Variants in CENPM observed in about 807,000 individuals in gnomAD.
CENPM encodes centromere protein M.
In CENPM, 14 loss-of-function variants were observed where a neutral mutation model predicts 19.6. That is an observed-to-expected ratio of 0.71 (90% confidence interval 0.47 to 1.11). The LOEUF (loss-of-function observed/expected upper bound fraction) is 1.11, where lower values mean the gene tolerates loss of function less well. CENPM is among the 50% of genes most tolerant of loss of function. The pLI is 0.00. For synonymous variants in CENPM, 114 were observed against 101.5 expected (o/e 1.12, Z -0.74); for missense variants, 239 against 228.4 (o/e 1.05, Z -0.30).
intron 5 of CENPM, chr22:41,939,995 A>G: frequency 3.4e-6 from 2 of 590,186 alleles, no homozygotes; most frequent in Non-Finnish European, 6.2e-6. Context: ...TTAAAACCCA[A>G]GTCAGGCCAC....
At chr22:41,945,438 TG>T in intron 3 of CENPM, 134 bp from the exon 4 acceptor site, 1 of 1,459,462 alleles carries the variant, frequency 6.9e-7, no homozygotes, top group Middle Eastern at 1.8e-4. Flanking sequence ...GAGAAATATT[TG>T]TCCTTTAATT....
At chr22:41,929,491 C>T in the CENPM span, among the ~76,000 whole-genome samples, 23 of 152,148 alleles carry the variant, frequency 1.5e-4, no homozygotes, top group Admixed American at 4.6e-4. Context: ...CCCAGGTCTG[C>T]GTTTCACAGC....
chr22:41,933,536 G>T, the CENPM span, among the ~76,000 whole-genome samples: 1 of 152,122 alleles, frequency 6.6e-6, no homozygotes, highest in Non-Finnish European at 1.5e-5. Context: ...CTCCTGTGCA[G>T]GTCCGGGGCT....
intron 5 of CENPM, among the ~76,000 whole-genome samples, chr22:41,942,473 G>A (rs1187834802): frequency 2.0e-5 from 3 of 152,140 alleles, no homozygotes; most frequent in South Asian, 2.1e-4. Flanking sequence ...AACAGTGGCC[G>A]GGTGCAGTGG....
At chr22:41,933,282 C>T in the CENPM span, among the ~76,000 whole-genome samples, 5 of 151,788 alleles carry the variant, frequency 3.3e-5, no homozygotes, top group African/African-American at 1.2e-4. Context: ...AGGGGCCCGC[C>T]AGGCAGCCCC....
intron 5 of CENPM, chr22:41,939,997 T>G: frequency 1.7e-6 from 1 of 590,632 alleles, no homozygotes; most frequent in Admixed American, 3.0e-5. Flanking sequence ...AAAACCCAAG[T>G]CAGGCCACAT....
At chr22:41,930,472 A>G in the CENPM span, among the ~76,000 whole-genome samples, 1 of 151,768 alleles carries the variant, frequency 6.6e-6, no homozygotes, top group Non-Finnish European at 1.5e-5. Context: ...ACCTCAAGTG[A>G]TCCACCCACC....
chr22:41,946,557 T>G (rs1258878815), intron 1 of CENPM, 61 bp from the exon 2 acceptor site: 6 of 1,448,340 alleles, frequency 4.1e-6, no homozygotes, highest in Non-Finnish European at 5.8e-6. Context: ...GGGGAGGGCC[T>G]GGCCCTTCGA....
chr22:41,939,062 G>C lies in CENPM; in HGVS notation c.537C>G (p.Asp179Glu). ...GCCCAGGGGCCAGCCACCCTCACAG[G>C]TCCTCCAGGGAGGGGCCCTCAGAGC... ...LRSSEGPSLEDL is the reference protein window; with the variant it reads ...LRSSEGPSLEEL The change falls in exon 6 of 6, where the codon GAC (aspartate) becomes GAG (glutamate). Residue 179 changes from aspartate to glutamate, a missense_variant. Transcript: ENST00000215980. 1.9e-6 allele frequency: 3 copies of C among 1,612,826 alleles called. No individual in the cohort carries two copies. The highest frequency in any genetic ancestry group is 2.5e-6 in the Non-Finnish European group (3 of 1,179,888).
intron 2 of CENPM, 130 bp from the exon 3 acceptor site, chr22:41,946,135 G>T (rs1349340436): frequency 1.2e-6 from 1 of 812,400 alleles, no homozygotes; most frequent in Non-Finnish European, 2.0e-6. Context: ...CGAGGCTCTT[G>T]TGGCCACGAC....
At chr22:41,936,648 C>T (rs1485264222), downstream of CENPM, among the ~76,000 whole-genome samples, 1 of 152,156 alleles carries the variant, frequency 6.6e-6, no homozygotes, top group Non-Finnish European at 1.5e-5. Context: ...GGCCTTAGGC[C>T]GGCCGCGGTG....
intron 5 of CENPM, among the ~76,000 whole-genome samples, chr22:41,939,415 T>C (rs1265591826): frequency 6.6e-6 from 1 of 152,006 alleles, no homozygotes; most frequent in Non-Finnish European, 1.5e-5. Context: ...TCCGGAGACA[T>C]CCAGAGCCTG....
rs2077697428 is a variant in CENPM, at chr22:41,938,830, G to C, written c.*226C>G. 1.9e-6 allele frequency: 1 copy of C among 517,502 alleles called. No individual in the cohort carries two copies. Among genetic ancestry groups the C allele is most frequent in the Non-Finnish European group, 3.4e-6 (1 of 291,848 alleles). The allele number at this position is 517,502 out of a possible 1,614,324, so 32.1% of individuals were successfully genotyped here. A position where few individuals can be genotyped will look rare whatever the true frequency, so the allele number is the denominator to read the frequency against. ...CCAGCTGCTTAAAGACACAGGCTCT[G>C]CAAGAGTGAGTGTGGGAGTGGGAGG... is the stretch of plus-strand genomic sequence containing the variant. On this transcript the variant is annotated 3_prime_UTR_variant, in exon 6 of 6. Coordinates refer to ENST00000215980, the MANE Select transcript of CENPM (RefSeq NM_024053.5).
rs752795287 is a variant in CENPM at position 41,945,310 on chromosome 22, G to T, written c.231-6C>A. ...ACTCCTCTGTGTTCTGGAGACTGGG[G>T]TGGCCAGGCCAGGGTGAGAAAACAA... is the stretch of plus-strand genomic sequence containing the variant. On this transcript the variant is annotated splice_region_variant and splice_polypyrimidine_tract_variant and intron_variant, in intron 3 of 5. Transcript: ENST00000215980. 6.2e-7 allele frequency: 1 copy of T among 1,614,052 alleles called. No individual in the cohort carries two copies. Among genetic ancestry groups the T allele is most frequent in the Non-Finnish European group, 8.5e-7 (1 of 1,180,010 alleles).
the CENPM span, among the ~76,000 whole-genome samples, chr22:41,928,367 C>T: frequency 3.9e-5 from 6 of 152,166 alleles, no homozygotes; most frequent in Non-Finnish European, 5.9e-5. This position sits in a 1 kb window ranked among gnomAD's most constrained non-coding sequence, Gnocchi z 4.0. Context: ...CTCAGAAACA[C>T]ACACAAGCCC....
Position 41,939,034 on chromosome 22 carries a change from G to A in CENPM, c.*22C>T, listed in dbSNP as rs1404040871. On this transcript the variant is annotated 3_prime_UTR_variant, in exon 6 of 6. Transcript: ENST00000215980. ...AGTCAGCACGAAGCCATGAGAAGGG[G>A]CAGCCCAGGGGCCAGCCACCCTCAC... 3.7e-6 allele frequency: 6 copies of A among 1,611,506 alleles called. No homozygotes were observed. Among genetic ancestry groups the A allele is most frequent in the African/African-American group, 1.3e-5 (1 of 75,030 alleles).
downstream of CENPM, among the ~76,000 whole-genome samples, chr22:41,935,282 G>C (rs924444975): frequency 2.0e-5 from 3 of 152,162 alleles, no homozygotes; most frequent in Admixed American, 6.5e-5. Flanking sequence ...GCGGGCATGG[G>C]GGGGAGGGGG....
chr22:41,939,880 A>AAGAAAGAAAG (rs2077720197), intron 5 of CENPM, among the ~76,000 whole-genome samples: 1 of 112,334 alleles, frequency 8.9e-6, no homozygotes, highest in Admixed American at 9.0e-5. Context: ...AAGAAAGAAA[A>AAGAAAGAAAG]AGAAAGAAAG....
rs909713151 is a variant in CENPM, at chr22:41,938,952, G to A, written c.*104C>T. On this transcript the variant is annotated 3_prime_UTR_variant, in exon 6 of 6. Transcript: ENST00000215980. Reference sequence around the variant, plus strand: ...CAGGGAACCTTCCCAGCCACGGCGGGCTGAGCCTGGGCCTGTCAAGCCCTG... The same window carrying A: ...CAGGGAACCTTCCCAGCCACGGCGGACTGAGCCTGGGCCTGTCAAGCCCTG... 4.1e-6 allele frequency: 6 copies of A among 1,457,868 alleles called. No individual in the cohort carries two copies. The African/African-American group carries it at 4.2e-5, about 10-fold the overall frequency. The allele number at this position is 1,457,868 out of a possible 1,614,324, so 90.3% of individuals were successfully genotyped here. A position where few individuals can be genotyped will look rare whatever the true frequency, so the allele number is the denominator to read the frequency against.
Sources: gnomAD v4.1 joint callset for allele counts (sites outside exome capture counted in the v4.1 genomes callset) on GRCh38, gnomAD v4.1.1 for gene constraint, Gnocchi (gnomAD v3.1) non-coding constraint, MANE v1.5 for transcripts, NCBI Gene and HGNC (gene_info 2026-07-23, HGNC 2026-07-21) for gene names.